The following LRRC8C variants were observed in gnomAD, a reference collection of about 807,000 sequenced individuals.
LRRC8C encodes the protein volume-regulated anion channel subunit LRRC8C.
A neutral mutation model predicts 55.3 loss-of-function variants in LRRC8C; 20 were observed. That is an observed-to-expected ratio of 0.36 (90% confidence interval 0.25 to 0.53). The LOEUF (loss-of-function observed/expected upper bound fraction) is 0.53. Among genes scored for constraint, LRRC8C ranks in the 20% least tolerant of loss-of-function variants. The pLI is 0.92. For synonymous variants in LRRC8C, 376 were observed against 360.7 expected (o/e 1.04, Z -0.48); for missense variants, 659 against 951.4 (o/e 0.69, Z 4.04).
At chr1:89,685,238 C>T (rs999513663) in intron 1 of LRRC8C, among the ~76,000 whole-genome samples, 6 of 150,300 alleles carry the variant, frequency 4.0e-5, no homozygotes, top group Non-Finnish European at 7.4e-5. Context: ...CCTGCCTCAG[C>T]CTCCCGAGTA....
intron 1 of LRRC8C, among the ~76,000 whole-genome samples, chr1:89,636,444 C>G (rs532748046): frequency 1.3e-4 from 20 of 152,280 alleles, no homozygotes; most frequent in Admixed American, 1.2e-3. Flanking sequence ...TGTACTCATT[C>G]TATAGTTTTT....
chr1:89,633,937 A>T (rs1396776162), intron 1 of LRRC8C, among the ~76,000 whole-genome samples: 1 of 152,172 alleles, frequency 6.6e-6, no homozygotes, highest in Non-Finnish European at 1.5e-5. Context: ...CCTTCATCCC[A>T]CGCCTAGGCT....
the LRRC8C span, among the ~76,000 whole-genome samples, chr1:89,624,686 CT>C: frequency 1.3e-5 from 2 of 152,216 alleles, no homozygotes; most frequent in African/African-American, 4.8e-5. Context: ...CCACAATTCC[CT>C]TCTCTTTCCA....
intron 1 of LRRC8C, among the ~76,000 whole-genome samples, chr1:89,638,935 T>G (rs913987791): frequency 6.9e-6 from 1 of 144,750 alleles, no homozygotes; most frequent in African/African-American, 2.5e-5. Context: ...TTAGAGAATT[T>G]ATGTTTTAAA....
At chr1:89,707,705 T>C (rs1335962757) in intron 2 of LRRC8C, among the ~76,000 whole-genome samples, 3 of 151,782 alleles carry the variant, frequency 2.0e-5, no homozygotes, top group Non-Finnish European at 4.4e-5. Context: ...TTGAGAAAGA[T>C]TGAAAGGTAT....
the LRRC8C span, among the ~76,000 whole-genome samples, chr1:89,624,031 A>G: frequency 1.3e-5 from 2 of 152,244 alleles, no homozygotes; most frequent in East Asian, 1.9e-4. Context: ...CCAAAGTATC[A>G]GCATTTTTAT....
chr1:89,688,729 A>G (rs1361145105), intron 2 of LRRC8C, among the ~76,000 whole-genome samples: 1 of 152,252 alleles, frequency 6.6e-6, no homozygotes, highest in East Asian at 1.9e-4. Context: ...CGGAGACCTG[A>G]TAAAGGTCAA....
intron 2 of LRRC8C, among the ~76,000 whole-genome samples, chr1:89,703,906 G>T (rs1658400559): frequency 6.6e-6 from 1 of 151,928 alleles, no homozygotes; most frequent in African/African-American, 2.4e-5. Context: ...CTTATAAAAA[G>T]AAAAGGGTGA....
rs771330548 is a variant in LRRC8C, at chr1:89,714,178, G to A, written c.1608G>A (p.Glu536=). ...ATATTTCCAGAAATGTCACCCTTGA[G>A]TCTCTGCGGGATCTCAAAAGCCTTA... is the stretch of plus-strand genomic sequence containing the variant. ...SHDISRNVTL[E]SLRDLKSLKI... is the part of the protein sequence containing the mutation. The change falls in exon 3 of 3, where the codon GAG becomes GAA. Residue 536 remains glutamate, a synonymous_variant. Coordinates refer to ENST00000370454, the MANE Select transcript of LRRC8C (RefSeq NM_032270.5). The surrounding 1 kb of genome is among the most constrained non-coding windows in gnomAD (Gnocchi z 4.6). 1.2e-6 allele frequency: 2 copies of A among 1,614,098 alleles called. No individual in the cohort carries two copies. The highest frequency in any genetic ancestry group is 4.5e-5 in the East Asian group (2 of 44,884).
chr1:89,714,195 A>G lies in LRRC8C; in HGVS notation c.1625A>G (p.Lys542Arg). 3 of 1,614,142 alleles carry G rather than the reference A, an allele frequency of 1.9e-6. No homozygotes were observed. The highest frequency in any genetic ancestry group is 2.5e-6 in the Non-Finnish European group (3 of 1,180,030). The change falls in exon 3 of 3, where the codon AAA (lysine) becomes AGA (arginine). Residue 542 changes from lysine (K) to arginine (R), a missense_variant. Transcript: ENST00000370454. The surrounding 1 kb of genome is among the most constrained non-coding windows in gnomAD (Gnocchi z 4.6). ...ACCCTTGAGTCTCTGCGGGATCTCA[A>G]AAGCCTTAAAATTCTCTCTATCAAA... ...NVTLESLRDL[K>R]SLKILSIKSN...
chr1:89,659,974 G>C (rs1657068291), intron 1 of LRRC8C, among the ~76,000 whole-genome samples: 1 of 152,110 alleles, frequency 6.6e-6, no homozygotes, highest in Admixed American at 6.5e-5. Flanking sequence ...GGAAAGTGTT[G>C]ATCTTGGACT....
chr1:89,686,583 T>A lies in LRRC8C; in HGVS notation c.110T>A (p.Met37Lys). Reference sequence around the variant, plus strand: ...GATTACCTCTCAGTAGCCATGCTCATGATCGGCGTGTTTGGATGTACTTTA... The same window carrying A: ...GATTACCTCTCAGTAGCCATGCTCAAGATCGGCGTGTTTGGATGTACTTTA... The part of the protein sequence containing the change: ...FTDYLSVAML[M>K]IGVFGCTLQV... Residue 37 changes from methionine to lysine, a missense_variant, in exon 2 of 3, where the codon ATG (methionine) becomes AAG (lysine). Met to Lys is a moderately conservative substitution (Grantham distance 95). Around this residue, in one of 5 missense-constraint regions of LRRC8C, gnomAD observed 17 missense variants for 38.2 expected, o/e 0.44. Coordinates refer to ENST00000370454, the MANE Select transcript of LRRC8C (RefSeq NM_032270.5). The A allele has an allele frequency of 6.2e-7, 1 of 1,614,218 alleles. No individual in the cohort carries two copies. Among genetic ancestry groups the A allele is most frequent in the Non-Finnish European group, 8.5e-7 (1 of 1,180,036 alleles).
Position 89,691,360 on chromosome 1 carries a change from G to A in LRRC8C, c.138+4749G>A, listed in dbSNP as rs1658024088. Reference sequence around the variant, plus strand: ...TAAGACGCATGAAGGGGAAAACTCAGCATTAACAGAATATTTAGTGTGATC... The same window carrying A: ...TAAGACGCATGAAGGGGAAAACTCAACATTAACAGAATATTTAGTGTGATC... On this transcript the variant is annotated intron_variant, in intron 2 of 2. Coordinates refer to ENST00000370454, the MANE Select transcript of LRRC8C (RefSeq NM_032270.5). Among the ~76,000 whole-genome samples, 3 of 152,278 alleles carry A rather than the reference G, an allele frequency of 2.0e-5. No homozygotes were observed. The South Asian group carries it at 6.2e-4, about 32-fold the overall frequency.
intron 1 of LRRC8C, among the ~76,000 whole-genome samples, chr1:89,660,066 C>T (rs534793839): frequency 3.9e-5 from 6 of 152,278 alleles, no homozygotes; most frequent in African/African-American, 1.4e-4. Context: ...ATTATCCAAG[C>T]AGCGTGCTCT....
chr1:89,710,685 C>T (rs1017684937), intron 2 of LRRC8C, among the ~76,000 whole-genome samples: 6 of 152,194 alleles, frequency 3.9e-5, no homozygotes, highest in Admixed American at 3.3e-4. Context: ...CAAGACAGAA[C>T]TTTATAAATC....
At position 89,718,075 on chromosome 1, in the gene LRRC8C, C is replaced by T. The variant is rs1306691538; in HGVS notation, c.*3093C>T. 6.6e-6 allele frequency: 1 copy of T among 152,158 alleles called. No individual in the cohort carries two copies. The highest frequency in any genetic ancestry group is 2.4e-5 in the African/African-American group (1 of 41,450). 9.4% of individuals were successfully genotyped at this position (152,158 alleles called of 1,614,324 possible). A position where few individuals can be genotyped will look rare whatever the true frequency, so the allele number is the denominator to read the frequency against. ...GAAGACCACACCTCAGAAATTATTG[C>T]ATTTTCTCATTATGTGTTGGGTTTG... On this transcript the variant is annotated 3_prime_UTR_variant, in exon 3 of 3. Coordinates refer to ENST00000370454, the MANE Select transcript of LRRC8C (RefSeq NM_032270.5).
At chr1:89,704,946 T>C (rs2101337630) in intron 2 of LRRC8C, among the ~76,000 whole-genome samples, 2 of 152,002 alleles carry the variant, frequency 1.3e-5, no homozygotes, top group South Asian at 4.2e-4. Flanking sequence ...GGACTATAAA[T>C]CATGCTGCTA....
rs945619611 is a variant in LRRC8C, at chr1:89,644,993, T to G, written c.-5+11671T>G. Among the ~76,000 whole-genome samples, 10 of 152,104 alleles carry G rather than the reference T, an allele frequency of 6.6e-5. No individual in the cohort carries two copies. In the East Asian group the frequency reaches 1.9e-3, roughly 29 times the overall value. On this transcript the variant is annotated intron_variant, in intron 1 of 2. Coordinates refer to ENST00000370454, the MANE Select transcript of LRRC8C (RefSeq NM_032270.5). ...AATATGTCATCCAGAATATCCAGGATAAAATCAGACTAGTAGGCATGAAAA... is the reference window on the plus strand; with the variant it reads ...AATATGTCATCCAGAATATCCAGGAGAAAATCAGACTAGTAGGCATGAAAA...
chr1:89,615,990 G>T, the LRRC8C span, among the ~76,000 whole-genome samples: 1 of 152,216 alleles, frequency 6.6e-6, no homozygotes, highest in East Asian at 1.9e-4. Flanking sequence ...CACTCTGCTT[G>T]CAACCCAGGT....
Sources: allele counts gnomAD v4.1 joint callset (sites outside exome capture counted in the v4.1 genomes callset), GRCh38; gene constraint gnomAD v4.1.1; regional missense constraint gnomAD v4.1.1; non-coding constraint Gnocchi (gnomAD v3.1); transcripts MANE v1.5; gene names NCBI Gene and HGNC (gene_info 2026-07-23, HGNC 2026-07-21).